PCDHGA8: variants seen among roughly 807,000 people sequenced by gnomAD.
The protein encoded by PCDHGA8 is protocadherin gamma-A8.
PCDHGA8 carries 45 observed loss-of-function variants against 59.2 expected under a neutral mutation model. That is an observed-to-expected ratio of 0.76 (90% CI 0.60 to 0.98). PCDHGA8 has a LOEUF of 0.98. Among genes scored for constraint, PCDHGA8 ranks in the 50% least tolerant of loss-of-function variants. The pLI is 0.00. For synonymous variants in PCDHGA8, 531 were observed against 519.0 expected (o/e 1.02, Z -0.32); for missense variants, 1,257 against 1,196.2 (o/e 1.05, Z -0.75).
At chr5:141,441,340 C>T (rs2098240395) in intron 1 of PCDHGA8, 1 of 152,330 alleles carries the variant, frequency 6.6e-6, no homozygotes, top group Non-Finnish European at 1.5e-5. Flanking sequence ...CAATAATTAA[C>T]TACATGCTTG....
rs377138746 is a variant in PCDHGA8 at position 141,432,481 on chromosome 5, C to T, written c.2424+37244C>T. ...CCCTCCCCACGGACGGTTCCACTGG[C>T]GTGGAGCTGGCTCCCCGCTCCGCAG... On this transcript the variant is annotated intron_variant, in intron 1 of 3. Transcript: ENST00000398604. This position sits in a 1 kb window ranked among gnomAD's most constrained non-coding sequence, Gnocchi z 6.0. The T allele has an allele frequency of 1.1e-5, 17 of 1,614,198 alleles. No individual in the cohort carries two copies. The African/African-American group carries it at 1.7e-4, about 16-fold the overall frequency.
intron 1 of PCDHGA8, chr5:141,424,664 A>G (rs923488035): frequency 1.3e-5 from 2 of 152,124 alleles, no homozygotes; most frequent in African/African-American, 4.8e-5. Context: ...CTTTAATTAA[A>G]CTGATTTAGC....
rs1248191692 is a variant in PCDHGA8, at chr5:141,419,519, G to T, written c.2424+24282G>T. The T allele has an allele frequency of 1.9e-6, 3 of 1,612,180 alleles. No homozygotes were observed. Among genetic ancestry groups the T allele is most frequent in the Non-Finnish European group, 1.7e-6 (2 of 1,179,504 alleles). ...TGTGAGCCTGCGCGTGTTGGTGGGC[G>T]ACCGTAACGACAACGCACCGCGGGT... On this transcript the variant is annotated intron_variant, in intron 1 of 3. Coordinates refer to ENST00000398604, the MANE Select transcript of PCDHGA8 (RefSeq NM_032088.2).
rs994881086 is a variant in PCDHGA8, at chr5:141,417,704, A to C, written c.2424+22467A>C. 1.0e-4 allele frequency: 125 copies of C among 1,207,342 alleles called. 3 individuals are homozygous for C. In the East Asian group the frequency reaches 2.7e-3, roughly 26 times the overall value. The allele number at this position is 1,207,342 out of a possible 1,614,324, so 74.8% of individuals were successfully genotyped here. Reference sequence around the variant, plus strand: ...CAGAAAAGAAAACCAGCTCCCACACAGAGGCTCCCGGCTGCGCAGACCTTG... The same window carrying C: ...CAGAAAAGAAAACCAGCTCCCACACCGAGGCTCCCGGCTGCGCAGACCTTG... On this transcript the variant is annotated intron_variant, in intron 1 of 3. Transcript: ENST00000398604.
At chr5:141,458,563 G>T (rs1181785251) in intron 1 of PCDHGA8, among the ~76,000 whole-genome samples, 1 of 140,116 alleles carries the variant, frequency 7.1e-6, no homozygotes, top group Non-Finnish European at 1.5e-5. Context: ...TTTTGGTTTT[G>T]GGTTTTTGTT....
intron 1 of PCDHGA8, chr5:141,418,511 G>A: frequency 5.6e-6 from 9 of 1,613,974 alleles, no homozygotes; most frequent in Non-Finnish European, 7.6e-6. Context: ...CTTAGATGGT[G>A]GGGACCCTCC....
At chr5:141,442,417 T>A (rs2098323611) in intron 1 of PCDHGA8, 1 of 152,152 alleles carries the variant, frequency 6.6e-6, no homozygotes, top group Non-Finnish European at 1.5e-5. Flanking sequence ...TGAGTGAACT[T>A]CTTTTTTGAA....
chr5:141,405,037 G>C (rs756524085), intron 1 of PCDHGA8: 5 of 1,613,856 alleles, frequency 3.1e-6, no homozygotes, highest in Non-Finnish European at 4.2e-6. Flanking sequence ...ACCTCGTTGT[G>C]GCTGTGGCAG....
chr5:141,477,642 A>G lies in PCDHGA8; in HGVS notation c.2425-17165A>G, dbSNP rs767152121. On this transcript the variant is annotated intron_variant, in intron 1 of 3. Transcript: ENST00000398604. The surrounding 1 kb of genome is among the most constrained non-coding windows in gnomAD (Gnocchi z 4.9). ...GCTGAAACCGGGCTAGTGGGTCGCT[A>G]TTTCACAATAAATCGTGACAATGGC... 9 of 1,614,136 alleles carry G rather than the reference A, an allele frequency of 5.6e-6. No individual in the cohort carries two copies. Among genetic ancestry groups the G allele is most frequent in the Non-Finnish European group, 7.6e-6 (9 of 1,180,022 alleles).
chr5:141,464,622 CT>C (rs947370342), intron 1 of PCDHGA8, among the ~76,000 whole-genome samples: 8 of 152,058 alleles, frequency 5.3e-5, no homozygotes, highest in African/African-American at 1.9e-4. Flanking sequence ...TATTGTCAAG[CT>C]TTTTAATTGT....
intron 1 of PCDHGA8, among the ~76,000 whole-genome samples, chr5:141,438,872 G>T (rs13178044): frequency 0.11 from 16,734 of 151,118 alleles, 1,094 homozygotes; most frequent in African/African-American, 0.17. Flanking sequence ...CATCAAGTTG[G>T]CCAGGCTGCT....
intron 1 of PCDHGA8, among the ~76,000 whole-genome samples, chr5:141,443,505 A>G (rs553893860): frequency 4.4e-4 from 67 of 152,222 alleles, no homozygotes; most frequent in African/African-American, 1.4e-3. Context: ...AAACAAATAA[A>G]GAGCTTCTCT....
intron 1 of PCDHGA8, among the ~76,000 whole-genome samples, chr5:141,455,045 C>G (rs1008259013): frequency 6.6e-6 from 1 of 151,798 alleles, no homozygotes; most frequent in Non-Finnish European, 1.5e-5. Context: ...ATCTCCTGAC[C>G]TCGTGATCCG....
chr5:141,497,191 A>G (rs2099774633), intron 2 of PCDHGA8, among the ~76,000 whole-genome samples: 1 of 126,864 alleles, frequency 7.9e-6, no homozygotes, highest in Admixed American at 8.3e-5. Context: ...TGAGAGGCAG[A>G]GAACAATGTG....
rs1375469711 is a variant in PCDHGA8 at position 141,512,102 on chromosome 5, C to G, written c.*929C>G. On this transcript the variant is annotated 3_prime_UTR_variant, in exon 4 of 4. Coordinates refer to ENST00000398604, the MANE Select transcript of PCDHGA8 (RefSeq NM_032088.2). Reference sequence around the variant, plus strand: ...GCCATAAACCAATAACTAGGCTGGACCCTTCCCACTACATAATAGGGCTCA... The same window carrying G: ...GCCATAAACCAATAACTAGGCTGGAGCCTTCCCACTACATAATAGGGCTCA... The G allele has an allele frequency of 6.5e-6, 1 of 152,806 alleles. No individual in the cohort carries two copies. The highest frequency in any genetic ancestry group is 1.9e-4 in the East Asian group (1 of 5,182). The allele number at this position is 152,806 out of a possible 1,614,324, so 9.5% of individuals were successfully genotyped here. A position where few individuals can be genotyped will look rare whatever the true frequency, so the allele number is the denominator to read the frequency against.
intron 1 of PCDHGA8, chr5:141,418,345 T>G: frequency 6.2e-7 from 1 of 1,614,000 alleles, no homozygotes; most frequent in Non-Finnish European, 8.5e-7. Context: ...ATCCTGATAT[T>G]AGTATGAATT....
intron 3 of PCDHGA8, among the ~76,000 whole-genome samples, chr5:141,508,871 A>T (rs981330486): frequency 5.3e-5 from 8 of 152,062 alleles, no homozygotes; most frequent in East Asian, 3.9e-4. Flanking sequence ...AAGGCTGAAG[A>T]GGCTGACGGC....
At chr5:141,475,059 G>T (rs2099358742) in intron 1 of PCDHGA8, among the ~76,000 whole-genome samples, 1 of 152,180 alleles carries the variant, frequency 6.6e-6, no homozygotes, top group South Asian at 2.1e-4. Flanking sequence ...AAAGATTTGT[G>T]GAGCTTTGCT....
At chr5:141,463,650 A>C (rs1206605758) in intron 1 of PCDHGA8, among the ~76,000 whole-genome samples, 1 of 151,746 alleles carries the variant, frequency 6.6e-6, no homozygotes, top group Non-Finnish European at 1.5e-5. Flanking sequence ...ACGGGGTTTC[A>C]CCGTGTTAGC....
Sources: gnomAD v4.1 joint callset for allele counts (sites outside exome capture counted in the v4.1 genomes callset) on GRCh38, gnomAD v4.1.1 for gene constraint, Gnocchi (gnomAD v3.1) non-coding constraint, MANE v1.5 for transcripts, NCBI Gene and HGNC (gene_info 2026-07-23, HGNC 2026-07-21) for gene names.